Variants in LGI3 observed in about 807,000 individuals in gnomAD.
LGI3 encodes leucine rich repeat LGI family member 3.
In LGI3, 47 loss-of-function variants were observed where a neutral mutation model predicts 55.4. The ratio of observed to expected loss-of-function variants is 0.85; its 90% CI spans 0.67 to 1.08. The LOEUF is 1.08. Ranked by LOEUF, LGI3 falls within the 50% of genes least tolerant of loss-of-function variation. The pLI, the probability that LGI3 is intolerant of heterozygous loss-of-function variation, is 0.00. For missense variants in LGI3, 664 were observed against 726.3 expected (o/e 0.91, Z 0.99); for synonymous variants, 326 against 315.0 (o/e 1.04, Z -0.37).
Position 22,150,351 on chromosome 8 carries a change from ATTTTT to A in LGI3, c.829+1133_829+1137del, listed in dbSNP as rs61084616. ...CATCTTGTGTCAGTTTAAGCCTTCT[ATTTTT>A]TTTTTTTTTTTTTTTTTTTTGAGAT... On this transcript the variant is annotated intron_variant, in intron 7 of 7. Transcript: ENST00000306317. 1.1e-3 allele frequency among the ~76,000 whole-genome samples: 82 copies of A among 72,592 alleles called. No homozygotes were observed. In the East Asian group the frequency reaches 0.013, roughly 11 times the overall value. The allele number at this position is 72,592 out of a possible 152,430, so 47.6% of individuals were successfully genotyped here. A position where few individuals can be genotyped will look rare whatever the true frequency, so the allele number is the denominator to read the frequency against.
Position 22,147,812 on chromosome 8 carries a change from G to C in LGI3, c.*348C>G, listed in dbSNP as rs1461714887. On this transcript the variant is annotated 3_prime_UTR_variant, in exon 8 of 8. Coordinates refer to ENST00000306317, the MANE Select transcript of LGI3 (RefSeq NM_139278.4). ...AGAGGGGCAGAAGGAGAAGCACAAGGACAGGAGGATGCGGCCCCCCTCGCT... is the reference window on the plus strand; with the variant it reads ...AGAGGGGCAGAAGGAGAAGCACAAGCACAGGAGGATGCGGCCCCCCTCGCT... The C allele has an allele frequency of 4.0e-5, 10 of 250,738 alleles. No individual in the cohort carries two copies. Among genetic ancestry groups the C allele is most frequent in the Non-Finnish European group, 5.4e-5 (7 of 129,668 alleles). 15.5% of individuals were successfully genotyped at this position (250,738 alleles called of 1,614,324 possible).
Position 22,156,428 on chromosome 8 carries a change from AGG to A in LGI3, c.113_114del (p.Pro38LeufsTer82). On this transcript the variant is annotated frameshift_variant, in exon 1 of 8. Transcript: ENST00000306317. LOFTEE classifies it high-confidence loss of function. The part of the protein sequence containing the change: ...VSAKRPPKTP[P>X]CPPSCSCTRD... The stretch of plus-strand genomic sequence containing the variant: ...CTGGTGCAAGAGCAGCTGGGCGGGC[AGG>A]GGGGCGTCTTGGGGGGCCTCTTAGC... The A allele has an allele frequency of 6.3e-7, 1 of 1,582,618 alleles. No individual in the cohort carries two copies. Among genetic ancestry groups the A allele is most frequent in the African/African-American group, 1.4e-5 (1 of 72,896 alleles).
chr8:22,148,084 G>C lies in LGI3; in HGVS notation c.*76C>G. On this transcript the variant is annotated 3_prime_UTR_variant, in exon 8 of 8. Transcript: ENST00000306317. This position sits in a 1 kb window ranked among gnomAD's most constrained non-coding sequence, Gnocchi z 7.0. ...AGGTTGGTCGCTTGTCTTCACACAG[G>C]CATACGTGGTGCTCACAGAGGCCCC... The C allele has an allele frequency of 8.0e-7, 1 of 1,251,792 alleles. No individual in the cohort carries two copies. Among genetic ancestry groups the C allele is most frequent in the Non-Finnish European group, 1.1e-6 (1 of 900,468 alleles). The allele number at this position is 1,251,792 out of a possible 1,614,324, so 77.5% of individuals were successfully genotyped here. A position where few individuals can be genotyped will look rare whatever the true frequency, so the allele number is the denominator to read the frequency against.
chr8:22,155,811 T>C (rs1336113507), intron 1 of LGI3, among the ~76,000 whole-genome samples: 1 of 152,258 alleles, frequency 6.6e-6, no homozygotes, highest in Admixed American at 6.5e-5. Context: ...GCTGGCATCC[T>C]GGTCCCCAAG....
chr8:22,154,698 G>A, intron 2 of LGI3, 67 bp from the exon 3 acceptor site: 2 of 1,252,294 alleles, frequency 1.6e-6, no homozygotes, highest in Non-Finnish European at 2.3e-6. Flanking sequence ...CCAGCCCGCT[G>A]CCTCAGCCCT....
intron 2 of LGI3, 28 bp downstream of exon 2, chr8:22,155,364 C>T (rs768821204): frequency 2.5e-6 from 4 of 1,609,476 alleles, no homozygotes; most frequent in Non-Finnish European, 3.4e-6. Flanking sequence ...ATAGTTCCCC[C>T]AACCCTTCCA....
At chr8:22,152,131 T>C in intron 5 of LGI3, 131 bp from the exon 6 acceptor site, 1 of 674,072 alleles carries the variant, frequency 1.5e-6, no homozygotes, top group Non-Finnish European at 2.4e-6. Flanking sequence ...TGCATCTTTG[T>C]AAGATTAGAG....
At position 22,151,500 on chromosome 8, in the gene LGI3, T is replaced by C. The variant is rs1563209658; in HGVS notation, c.818A>G (p.Asp273Gly). Residue 273 changes from aspartate (D) to glycine (G), a missense_variant, in exon 7 of 8, where the codon GAT becomes GGT. Transcript: ENST00000306317. The part of the protein sequence containing the change: ...DYVERQLRDY[D>G]RIPAPSAVHC... ...TTGGGCGCAGGTACCTGGGATTCTA[T>C]CATAGTCTCGAAGCTGCCGCTCAAC... 4 of 1,613,938 alleles carry C rather than the reference T, an allele frequency of 2.5e-6. No homozygotes were observed. The highest frequency in any genetic ancestry group is 1.7e-6 in the Non-Finnish European group (2 of 1,179,960).
At chr8:22,149,032 C>T (rs1015811237) in intron 7 of LGI3, 55 bp from the exon 8 acceptor site, 19 of 1,349,744 alleles carry the variant, frequency 1.4e-5, no homozygotes, top group Non-Finnish European at 1.9e-5. Context: ...CCCACTCCAT[C>T]CAACCCCCTT....
rs931919365 is a variant in LGI3 at position 22,147,851 on chromosome 8, A to G, written c.*309T>C. 2.8e-6 allele frequency: 1 copy of G among 354,076 alleles called. No homozygotes were observed. The allele number at this position is 354,076 out of a possible 1,614,324, so 21.9% of individuals were successfully genotyped here. On this transcript the variant is annotated 3_prime_UTR_variant, in exon 8 of 8. Transcript: ENST00000306317. ...GCCCCCCTCGCTCCCAGCACCCCGC[A>G]CCACTCGTGCATGAGACAGGGGGCA... is the stretch of plus-strand genomic sequence containing the variant.
At chr8:22,155,231 C>A in intron 2 of LGI3, 161 bp downstream of exon 2, 2 of 697,304 alleles carry the variant, frequency 2.9e-6, no homozygotes, top group Non-Finnish European at 5.0e-6. Flanking sequence ...CTCAAGGCTG[C>A]CCCGTCTTTT....
At chr8:22,153,637 G>A (rs1432670179) in intron 5 of LGI3, among the ~76,000 whole-genome samples, 1 of 151,784 alleles carries the variant, frequency 6.6e-6, no homozygotes, top group Non-Finnish European at 1.5e-5. Context: ...AACCTGAGAG[G>A]TGGAGGTTGC....
chr8:22,151,548 C>T lies in LGI3; in HGVS notation c.770G>A (p.Cys257Tyr). 2.5e-6 allele frequency: 4 copies of T among 1,614,106 alleles called. No homozygotes were observed. The highest frequency in any genetic ancestry group is 3.4e-6 in the Non-Finnish European group (4 of 1,179,996). ...AACATAGTCCCACTTCAGGATGGTGCAGGCACTGACTCCTGGCTGGGCCAG... is the reference window on the plus strand; with the variant it reads ...AACATAGTCCCACTTCAGGATGGTGTAGGCACTGACTCCTGGCTGGGCCAG... ...LALAQPGVSACTILKWDYVER... is the reference protein window; with the variant it reads ...LALAQPGVSAYTILKWDYVER... The change falls in exon 7 of 8, where the codon TGC becomes TAC. Residue 257 changes from cysteine to tyrosine, a missense_variant. Transcript: ENST00000306317.
At position 22,156,506 on chromosome 8, in the gene LGI3, C is replaced by T; in HGVS notation, c.37G>A (p.Gly13Arg). 1 of 1,404,160 alleles carries T rather than the reference C, an allele frequency of 7.1e-7. No homozygotes were observed. The highest frequency in any genetic ancestry group is 1.6e-5 in the South Asian group (1 of 63,320). The allele number at this position is 1,404,160 out of a possible 1,614,324, so 87.0% of individuals were successfully genotyped here. ...CCGAGCGCGGAGAGCGCCAGCAGCCCCGGCCCCGGGCCCCCCCTGGCCCGC... is the reference window on the plus strand; with the variant it reads ...CCGAGCGCGGAGAGCGCCAGCAGCCTCGGCCCCGGGCCCCCCCTGGCCCGC... ...GLRARGGPGPGLLALSALGFC... is the reference protein window; with the variant it reads ...GLRARGGPGPRLLALSALGFC... Residue 13 changes from glycine to arginine, a missense_variant, in exon 1 of 8, where the codon GGG (glycine) becomes AGG (arginine). Coordinates refer to ENST00000306317, the MANE Select transcript of LGI3 (RefSeq NM_139278.4).
Position 22,147,893 on chromosome 8 carries a change from G to T in LGI3, c.*267C>A. 2 of 459,294 alleles carry T rather than the reference G, an allele frequency of 4.4e-6. No homozygotes were observed. Among genetic ancestry groups the T allele is most frequent in the East Asian group, 7.7e-5 (2 of 25,854 alleles). The allele number at this position is 459,294 out of a possible 1,614,324, so 28.5% of individuals were successfully genotyped here. A position where few individuals can be genotyped will look rare whatever the true frequency, so the allele number is the denominator to read the frequency against. On this transcript the variant is annotated 3_prime_UTR_variant, in exon 8 of 8. Coordinates refer to ENST00000306317, the MANE Select transcript of LGI3 (RefSeq NM_139278.4). Reference sequence around the variant, plus strand: ...CAGGGGGCAGAGCATGGGAAAGGCTGCAGAGTAGGGGGGGCCTGCAGTTGG... The same window carrying T: ...CAGGGGGCAGAGCATGGGAAAGGCTTCAGAGTAGGGGGGGCCTGCAGTTGG...
chr8:22,154,740 T>C, intron 2 of LGI3, 109 bp from the exon 3 acceptor site: 2 of 828,798 alleles, frequency 2.4e-6, no homozygotes, highest in Non-Finnish European at 4.1e-6. Flanking sequence ...GCCCTGCTGC[T>C]ACCCCTGGGG....
intron 7 of LGI3, among the ~76,000 whole-genome samples, chr8:22,150,514 A>G (rs1297511034): frequency 6.6e-6 from 1 of 151,664 alleles, no homozygotes; most frequent in Non-Finnish European, 1.5e-5. Flanking sequence ...ACCTGCCACC[A>G]CGCCCAGCTA....
intron 5 of LGI3, among the ~76,000 whole-genome samples, chr8:22,153,299 G>T (rs1020526427): frequency 4.6e-5 from 7 of 151,192 alleles, no homozygotes; most frequent in Admixed American, 1.3e-4. Context: ...TGGCCAGGCT[G>T]GTCTGGAACT....
rs1192673042 is a variant in LGI3, at chr8:22,156,758, C to T, written c.-216G>A. ...CGGCTCGGGAGAGAAGAGCGGAGCG[C>T]GGAGCTGGAGCCGCAGCCGGGGCTG... On this transcript the variant is annotated 5_prime_UTR_variant, in exon 1 of 8. Transcript: ENST00000306317. 5 of 186,184 alleles carry T rather than the reference C, an allele frequency of 2.7e-5. No homozygotes were observed. Among genetic ancestry groups the T allele is most frequent in the Non-Finnish European group, 4.4e-5 (4 of 91,674 alleles). 11.5% of individuals were successfully genotyped at this position (186,184 alleles called of 1,614,324 possible).
Sources: gnomAD v4.1 joint callset for allele counts (sites outside exome capture counted in the v4.1 genomes callset) on GRCh38, gnomAD v4.1.1 for gene constraint, Gnocchi (gnomAD v3.1) non-coding constraint, MANE v1.5 for transcripts, NCBI Gene and HGNC (gene_info 2026-07-23, HGNC 2026-07-21) for gene names.